Variants in MAGI2 observed in about 807,000 individuals in gnomAD.
MAGI2 encodes the protein membrane associated guanylate kinase, WW and PDZ domain containing 2, also known as membrane-associated guanylate kinase, WW and PDZ domain-containing protein 2.
In MAGI2, 35 loss-of-function variants were observed where a neutral mutation model predicts 133.3. The ratio of observed to expected loss-of-function variants is 0.26; its 90% CI spans 0.20 to 0.35. MAGI2 has a LOEUF of 0.35. Among genes scored for constraint, MAGI2 ranks in the 10% least tolerant of loss-of-function variants. The pLI is 1.00. For synonymous variants in MAGI2, 729 were observed against 710.6 expected, an observed-to-expected ratio of 1.03 and a Z score of -0.41; for missense variants, 1,636 against 1,863.4, an observed-to-expected ratio of 0.88 and a Z score of 2.25.
intron 2 of MAGI2, among the ~76,000 whole-genome samples, chr7:78,801,509 A>G (rs1788050291): frequency 6.6e-6 from 1 of 152,176 alleles, no homozygotes; most frequent in Non-Finnish European, 1.5e-5. Context: ...ATCCAAAAGT[A>G]TGTGTGTCTG....
intron 9 of MAGI2, among the ~76,000 whole-genome samples, chr7:78,282,988 A>G (rs1202590761): frequency 3.3e-5 from 5 of 152,098 alleles, no homozygotes; most frequent in Non-Finnish European, 5.9e-5. Context: ...AACTCAAGAA[A>G]TAATAAGATA....
chr7:78,019,872 C>A lies in MAGI2; in HGVS notation c.3811G>T (p.Ala1271Ser). ...GLAPFSPSHP[A>S]PPSDPSHQIS... ...TGGTGGGAAGGGTCGGAGGGTGGGG[C>A]TGGATGTGATGGAGAGAATGGAGCG... The change falls in exon 22 of 22, where the codon GCC (alanine) becomes TCC (serine). Residue 1271 changes from alanine (A) to serine (S), a missense_variant. This residue lies in a region of MAGI2 where 354 missense variants were observed against 298.7 expected (regional missense o/e 1.19). Coordinates refer to ENST00000354212, the MANE Select transcript of MAGI2 (RefSeq NM_012301.4). 1 of 1,613,150 alleles carries A rather than the reference C, an allele frequency of 6.2e-7. No individual in the cohort carries two copies. Among genetic ancestry groups the A allele is most frequent in the Admixed American group, 1.7e-5 (1 of 59,950 alleles).
At chr7:79,048,391 T>C (rs1011938673) in intron 1 of MAGI2, among the ~76,000 whole-genome samples, 2 of 152,212 alleles carry the variant, frequency 1.3e-5, no homozygotes, top group African/African-American at 4.8e-5. Flanking sequence ...TGTTCTCCAA[T>C]TGAATGTTGT....
chr7:78,347,755 T>C (rs1443966833), intron 7 of MAGI2, among the ~76,000 whole-genome samples: 1 of 152,206 alleles, frequency 6.6e-6, no homozygotes, highest in Non-Finnish European at 1.5e-5. Context: ...GTGCTCTTTG[T>C]TAATGAAACT....
At chr7:79,394,742 TTGTTTTTAATGACATTATTTGTTTTAA>T (rs1844914959) in intron 1 of MAGI2, among the ~76,000 whole-genome samples, 1 of 152,232 alleles carries the variant, frequency 6.6e-6, no homozygotes, top group South Asian at 2.1e-4. Context: ...ATGACACTAT[TTGTTTTTAATGACATTATTTGTTTTAA>T]TGTTTTTAAT....
intron 12 of MAGI2, among the ~76,000 whole-genome samples, chr7:78,191,742 A>G (rs1284941648): frequency 6.6e-6 from 1 of 152,196 alleles, no homozygotes; most frequent in Non-Finnish European, 1.5e-5. Context: ...GTTTCCTATC[A>G]CAGCATGTAC....
intron 20 of MAGI2, among the ~76,000 whole-genome samples, chr7:78,123,326 C>A (rs910700933): frequency 1.3e-5 from 2 of 152,176 alleles, no homozygotes; most frequent in Non-Finnish European, 2.9e-5. Flanking sequence ...TATATTCCAA[C>A]ATCTCCAGCG....
At chr7:78,897,728 G>T (rs920137052) in intron 2 of MAGI2, among the ~76,000 whole-genome samples, 1 of 152,098 alleles carries the variant, frequency 6.6e-6, no homozygotes, top group Non-Finnish European at 1.5e-5. Flanking sequence ...GTGCAGTATG[G>T]CTATTTTAAC....
At chr7:78,187,921 C>A (rs1388189591) in intron 12 of MAGI2, among the ~76,000 whole-genome samples, 1 of 152,140 alleles carries the variant, frequency 6.6e-6, no homozygotes, top group Non-Finnish European at 1.5e-5. Context: ...ACTTGTGCAA[C>A]CAACAAAATG....
rs370548341 is a variant in MAGI2, at chr7:79,273,970, G to A, written c.301+179050C>T. On this transcript the variant is annotated intron_variant, in intron 1 of 21. Transcript: ENST00000354212. ...CCCTGATTCGACCAATTGAACATAG[G>A]AGTAAATGCAGTTCAACAGAAGTCA... Among the ~76,000 whole-genome samples, 75 of 152,062 alleles carry A rather than the reference G, an allele frequency of 4.9e-4. No individual in the cohort carries two copies. In the South Asian group the frequency reaches 0.011, roughly 21 times the overall value.
At chr7:78,351,497 G>A (rs556195402) in intron 7 of MAGI2, among the ~76,000 whole-genome samples, 3 of 151,974 alleles carry the variant, frequency 2.0e-5, no homozygotes, top group African/African-American at 7.2e-5. Flanking sequence ...GAGAGGGAGT[G>A]AGAGGACTGG....
At chr7:78,862,770 C>G (rs1008525221) in intron 2 of MAGI2, among the ~76,000 whole-genome samples, 38 of 152,270 alleles carry the variant, frequency 2.5e-4, no homozygotes, top group African/African-American at 8.4e-4. Flanking sequence ...CCATCTGGGA[C>G]TAACAGGGCG....
intron 1 of MAGI2, among the ~76,000 whole-genome samples, chr7:79,401,148 C>T (rs746327017): frequency 9.2e-5 from 14 of 152,074 alleles, no homozygotes; most frequent in Non-Finnish European, 1.6e-4. Flanking sequence ...CTTACAGTGC[C>T]ATAACAAATA....
chr7:78,825,739 G>A (rs753737514), intron 2 of MAGI2, among the ~76,000 whole-genome samples: 2 of 152,034 alleles, frequency 1.3e-5, no homozygotes, highest in Non-Finnish European at 2.9e-5. Flanking sequence ...TGAAAATAAT[G>A]CATGTAAGCC....
At chr7:79,016,009 G>T (rs1185765691) in intron 1 of MAGI2, among the ~76,000 whole-genome samples, 5 of 112,546 alleles carry the variant, frequency 4.4e-5, no homozygotes, top group Admixed American at 3.6e-4. Flanking sequence ...GGGGGGGGGG[G>T]GTGGGGGTTG....
At chr7:78,567,390 CACT>C (rs1801050278) in intron 3 of MAGI2, among the ~76,000 whole-genome samples, 1 of 126,772 alleles carries the variant, frequency 7.9e-6, no homozygotes, top group African/African-American at 3.1e-5. Context: ...AGAGCCTACA[CACT>C]ACACACACAC....
intron 16 of MAGI2, among the ~76,000 whole-genome samples, chr7:78,139,467 C>T (rs1053339603): frequency 1.3e-5 from 2 of 152,138 alleles, no homozygotes; most frequent in African/African-American, 2.4e-5. Context: ...GACCTAAGTG[C>T]TTTCAGTGCA....
At chr7:79,185,516 A>ATTTTTTTTTTT (rs71095383) in intron 1 of MAGI2, among the ~76,000 whole-genome samples, 1 of 126,612 alleles carries the variant, frequency 7.9e-6, no homozygotes, top group African/African-American at 2.9e-5. Flanking sequence ...CAATTTGGTC[A>ATTTTTTTTTTT]TTTTTTTTTT....
intron 9 of MAGI2, among the ~76,000 whole-genome samples, chr7:78,266,600 CAG>C (rs1794035600): frequency 6.7e-6 from 1 of 150,094 alleles, no homozygotes; most frequent in African/African-American, 2.5e-5. Flanking sequence ...TTTTTTGAGA[CAG>C]AGTCTTGCTC....
Sources: allele counts gnomAD v4.1 joint callset (sites outside exome capture counted in the v4.1 genomes callset), GRCh38; gene constraint gnomAD v4.1.1; regional missense constraint gnomAD v4.1.1; transcripts MANE v1.5; gene names NCBI Gene and HGNC (gene_info 2026-07-23, HGNC 2026-07-21).